Variants in RPS6KC1 observed in about 807,000 individuals in gnomAD.
RPS6KC1 encodes ribosomal protein S6 kinase C1, also known as inactive ribosomal protein S6 kinase delta-1.
RPS6KC1 carries 54 observed loss-of-function variants against 103.8 expected under a neutral mutation model. The ratio of observed to expected loss-of-function variants is 0.52; its 90% CI spans 0.42 to 0.65. RPS6KC1 has a LOEUF of 0.65. RPS6KC1 is among the 30% of genes least tolerant of loss of function. The pLI, the probability that RPS6KC1 is intolerant of heterozygous loss-of-function variation, is 0.00. For missense variants in RPS6KC1, 1,151 were observed against 1,253.8 expected (o/e 0.92, Z 1.24); for synonymous variants, 439 against 438.7 (o/e 1.00, Z -0.01).
intron 6 of RPS6KC1, among the ~76,000 whole-genome samples, chr1:213,166,277 A>G (rs1192635512): frequency 1.3e-5 from 2 of 152,214 alleles, no homozygotes; most frequent in African/African-American, 4.8e-5. Context: ...AAGGCATTAT[A>G]TAATCTGAAA....
At chr1:213,602,884 A>G in the RPS6KC1 span, among the ~76,000 whole-genome samples, 3,354 of 152,214 alleles carry the variant, frequency 0.022, 133 homozygotes, top group African/African-American at 0.076. Context: ...TATTTTCCCC[A>G]TGGAGATCAG....
the RPS6KC1 span, among the ~76,000 whole-genome samples, chr1:213,594,951 G>A: frequency 2.0e-4 from 30 of 152,292 alleles, no homozygotes; most frequent in South Asian, 6.2e-4. Flanking sequence ...CTTGGCCTTC[G>A]TGGCACTGGG....
chr1:213,145,404 T>C (rs919364625), intron 6 of RPS6KC1, among the ~76,000 whole-genome samples: 3 of 152,108 alleles, frequency 2.0e-5, no homozygotes, highest in Admixed American at 6.6e-5. Context: ...TTTAGAATTA[T>C]TGCCTGATGT....
chr1:213,299,836 G>A, the RPS6KC1 span, among the ~76,000 whole-genome samples: 108 of 152,040 alleles, frequency 7.1e-4, 1 homozygote, highest in African/African-American at 2.5e-3. Flanking sequence ...ACGGAGTCTC[G>A]TTCTGTCGCC....
chr1:213,733,834 T>A, the RPS6KC1 span, among the ~76,000 whole-genome samples: 1 of 152,202 alleles, frequency 6.6e-6, no homozygotes, highest in Non-Finnish European at 1.5e-5. Context: ...CGCTCTTGGC[T>A]TTCACTAAGA....
At chr1:213,335,342 G>C in the RPS6KC1 span, among the ~76,000 whole-genome samples, 1 of 152,186 alleles carries the variant, frequency 6.6e-6, no homozygotes, top group East Asian at 1.9e-4. Context: ...AATAACAGTG[G>C]TTTAAATCAG....
At chr1:213,173,438 TC>T (rs2091631853) in intron 7 of RPS6KC1, among the ~76,000 whole-genome samples, 1 of 152,246 alleles carries the variant, frequency 6.6e-6, no homozygotes, top group Non-Finnish European at 1.5e-5. Flanking sequence ...TGTCTAGACT[TC>T]GGAGACTGTA....
At chr1:213,428,524 C>CTCTT in the RPS6KC1 span, among the ~76,000 whole-genome samples, 1 of 43,182 alleles carries the variant, frequency 2.3e-5, no homozygotes, top group Non-Finnish European at 4.6e-5. Context: ...CTTCCTCTTT[C>CTCTT]TCTCTCTCTC....
the RPS6KC1 span, among the ~76,000 whole-genome samples, chr1:213,412,820 C>T: frequency 6.6e-6 from 1 of 152,222 alleles, no homozygotes; most frequent in Non-Finnish European, 1.5e-5. Context: ...TGTGAGCTTC[C>T]CATGTTCCTT....
intron 6 of RPS6KC1, among the ~76,000 whole-genome samples, chr1:213,145,858 G>A (rs568238441): frequency 2.6e-4 from 39 of 149,094 alleles, no homozygotes; most frequent in African/African-American, 9.4e-4. Flanking sequence ...TATCCTTTGA[G>A]TTATGAACAA....
chr1:213,378,042 C>T, the RPS6KC1 span, among the ~76,000 whole-genome samples: 88 of 152,310 alleles, frequency 5.8e-4, no homozygotes, highest in East Asian at 2.7e-3. Context: ...ATTTCCCCAG[C>T]TCCTGTTAGG....
At chr1:213,474,196 C>T in the RPS6KC1 span, among the ~76,000 whole-genome samples, 7 of 152,144 alleles carry the variant, frequency 4.6e-5, no homozygotes, top group South Asian at 1.5e-3. Flanking sequence ...GCAACTGCTC[C>T]TATCGGTCTG....
chr1:213,275,855 C>T (rs1381316252), downstream of RPS6KC1, among the ~76,000 whole-genome samples: 3 of 152,204 alleles, frequency 2.0e-5, no homozygotes, highest in African/African-American at 4.8e-5. Flanking sequence ...CTTTGACCAA[C>T]GTCTCCCCTT....
rs199708203 is a variant in RPS6KC1 at position 213,241,285 on chromosome 1, A to G, written c.1809A>G (p.Ile603Met). Residue 603 changes from isoleucine (I) to methionine (M), a missense_variant, in exon 11 of 15, where the codon ATA becomes ATG. Around this residue, in one of 3 missense-constraint regions of RPS6KC1, gnomAD observed 959 missense variants for 1,006.3 expected, o/e 0.95. Coordinates refer to ENST00000366960, the MANE Select transcript of RPS6KC1 (RefSeq NM_012424.6). ...ATAGCCCCATGGAATTCTTTAGGAT[A>G]GACAGTAAGGATAGCGCAAGTGAAC... ...SKNSPMEFFR[I>M]DSKDSASELL... 7.8e-5 allele frequency: 126 copies of G among 1,613,990 alleles called. No homozygotes were observed. Among genetic ancestry groups the G allele is most frequent in the Non-Finnish European group, 1.0e-4 (120 of 1,179,940 alleles).
chr1:213,713,380 GCAATGGCTT>G, the RPS6KC1 span, among the ~76,000 whole-genome samples: 1 of 152,044 alleles, frequency 6.6e-6, no homozygotes, highest in East Asian at 1.9e-4. Flanking sequence ...CTTCACAGAG[GCAATGGCTT>G]CATTAATCAT....
At chr1:213,610,585 C>T in the RPS6KC1 span, among the ~76,000 whole-genome samples, 5 of 152,176 alleles carry the variant, frequency 3.3e-5, no homozygotes, top group African/African-American at 4.8e-5. Context: ...ATGATTCAGC[C>T]TTTCTCCCTC....
chr1:213,220,262 T>C (rs1352149540), intron 8 of RPS6KC1, among the ~76,000 whole-genome samples: 2 of 152,192 alleles, frequency 1.3e-5, no homozygotes, highest in Non-Finnish European at 2.9e-5. Context: ...TAATTCTCTG[T>C]GGAAGCATTG....
intron 4 of RPS6KC1, among the ~76,000 whole-genome samples, chr1:213,114,580 C>T (rs1330343182): frequency 3.3e-5 from 5 of 151,508 alleles, no homozygotes. Flanking sequence ...CTGGCCAGAA[C>T]TTCCAACACT....
At chr1:213,746,457 C>T in the RPS6KC1 span, among the ~76,000 whole-genome samples, 200 of 151,994 alleles carry the variant, frequency 1.3e-3, 1 homozygote, top group East Asian at 4.1e-3. Context: ...TGTGGGTGGC[C>T]GAGGGTGAGT....
Sources: allele counts gnomAD v4.1 joint callset (sites outside exome capture counted in the v4.1 genomes callset), GRCh38; gene constraint gnomAD v4.1.1; regional missense constraint gnomAD v4.1.1; transcripts MANE v1.5; gene names NCBI Gene and HGNC (gene_info 2026-07-23, HGNC 2026-07-21).